Variants in SLC39A11 observed in about 807,000 individuals in gnomAD.
SLC39A11 encodes the protein solute carrier family 39 member 11.
Under a neutral mutation model 36.1 loss-of-function variants are expected in SLC39A11, and 33 were observed. The ratio of observed to expected loss-of-function variants is 0.91; its 90% confidence interval spans 0.69 to 1.22. The LOEUF (loss-of-function observed/expected upper bound fraction) is 1.22. Ranked by LOEUF, SLC39A11 falls within the 50% of genes most tolerant of loss-of-function variation. The probability of loss-of-function intolerance (pLI) is 0.00; values close to 1 mark genes in which losing one functional copy is unlikely to be tolerated. For missense variants in SLC39A11, 432 were observed against 430.3 expected (o/e 1.00, Z -0.03); for synonymous variants, 166 against 170.3 (o/e 0.97, Z 0.20).
chr17:72,849,882 A>G, intron 5 of SLC39A11, 78 bp from the exon 6 acceptor site: 1 of 1,364,112 alleles, frequency 7.3e-7, no homozygotes, highest in Non-Finnish European at 9.7e-7. Flanking sequence ...CCAGCAAGCT[A>G]CAGCAGGAAG....
At chr17:72,733,482 T>A (rs557546540) in intron 7 of SLC39A11, among the ~76,000 whole-genome samples, 1 of 152,124 alleles carries the variant, frequency 6.6e-6, no homozygotes, top group Non-Finnish European at 1.5e-5. Flanking sequence ...CCAGGACTGC[T>A]CAGAAGATAA....
intron 7 of SLC39A11, among the ~76,000 whole-genome samples, chr17:72,729,436 TATATATATATATATATATATA>T (rs1482968957): frequency 0.014 from 49 of 3,486 alleles, 2 homozygotes; most frequent in Middle Eastern, 0.042. Flanking sequence ...TATATATATA[TATATATATATATATATATATA>T]TTTTTTTTTT....
intron 5 of SLC39A11, among the ~76,000 whole-genome samples, chr17:72,908,931 A>G (rs1424190765): frequency 6.6e-6 from 1 of 152,222 alleles, no homozygotes; most frequent in Non-Finnish European, 1.5e-5. Flanking sequence ...CACGGGAGCC[A>G]AGCCTGGTCA....
At chr17:72,828,282 G>C (rs1276423141) in intron 6 of SLC39A11, among the ~76,000 whole-genome samples, 1 of 152,204 alleles carries the variant, frequency 6.6e-6, no homozygotes, top group Non-Finnish European at 1.5e-5. Context: ...GTAATCATAA[G>C]GGTCCTTAAA....
At chr17:72,978,999 AG>A (rs2088081051) in intron 4 of SLC39A11, among the ~76,000 whole-genome samples, 2 of 152,160 alleles carry the variant, frequency 1.3e-5, no homozygotes, top group Non-Finnish European at 1.5e-5. Context: ...TGACATGGTT[AG>A]GTTTTGTGTC....
intron 4 of SLC39A11, among the ~76,000 whole-genome samples, chr17:72,955,837 T>C (rs1427785871): frequency 2.0e-5 from 3 of 152,072 alleles, no homozygotes; most frequent in African/African-American, 7.2e-5. Flanking sequence ...AAAGAGAGGA[T>C]TGGTGCACAG....
intron 5 of SLC39A11, among the ~76,000 whole-genome samples, chr17:72,897,841 G>A (rs1035906947): frequency 2.6e-5 from 4 of 152,194 alleles, no homozygotes; most frequent in African/African-American, 9.7e-5. Context: ...CCAGAGTTGG[G>A]AGTCAGTGGT....
intron 6 of SLC39A11, among the ~76,000 whole-genome samples, chr17:72,780,079 A>G (rs1411885098): frequency 3.3e-5 from 5 of 152,210 alleles, no homozygotes; most frequent in Non-Finnish European, 5.9e-5. Flanking sequence ...CTCAAGGATC[A>G]CCAAGTAGCC....
intron 5 of SLC39A11, among the ~76,000 whole-genome samples, chr17:72,878,543 T>C (rs2081035735): frequency 6.6e-6 from 1 of 152,206 alleles, no homozygotes; most frequent in East Asian, 1.9e-4. Flanking sequence ...CCAACATCCT[T>C]CAGACCTTAC....
At chr17:72,864,392 A>G (rs2080196753) in intron 5 of SLC39A11, among the ~76,000 whole-genome samples, 1 of 151,788 alleles carries the variant, frequency 6.6e-6, no homozygotes, top group African/African-American at 2.4e-5. Context: ...ATGCAGACCA[A>G]CCGATTTGGG....
intron 5 of SLC39A11, among the ~76,000 whole-genome samples, chr17:72,930,720 A>C (rs1185034905): frequency 6.6e-6 from 1 of 152,188 alleles, no homozygotes; most frequent in African/African-American, 2.4e-5. Context: ...ATCTCACGGA[A>C]GCATCTAGAC....
intron 3 of SLC39A11, among the ~76,000 whole-genome samples, chr17:73,070,697 G>T (rs111867318): frequency 0.015 from 2,228 of 152,242 alleles, 47 homozygotes; most frequent in East Asian, 0.047. Context: ...CCCGGTGGGA[G>T]GTAATTAAAT....
chr17:72,648,966 G>C lies in SLC39A11; in HGVS notation c.771-5C>G. The C allele has an allele frequency of 6.2e-7, 1 of 1,609,432 alleles. No homozygotes were observed. Among genetic ancestry groups the C allele is most frequent in the Non-Finnish European group, 8.5e-7 (1 of 1,177,798 alleles). On this transcript the variant is annotated splice_region_variant and splice_polypyrimidine_tract_variant and intron_variant, in intron 8 of 9. Coordinates refer to ENST00000255559, the MANE Select transcript of SLC39A11 (RefSeq NM_139177.4). ...ATGCCGCTCAGCTGCCCATACCTAA[G>C]GAGAGAACAGAGACATTTACCACCG...
chr17:72,749,237 T>G (rs2075057437), intron 6 of SLC39A11, among the ~76,000 whole-genome samples: 1 of 152,130 alleles, frequency 6.6e-6, no homozygotes, highest in Admixed American at 6.6e-5. Flanking sequence ...TATCTGTTGC[T>G]CCCAAACACT....
At chr17:72,732,230 G>A (rs1356923441) in intron 7 of SLC39A11, among the ~76,000 whole-genome samples, 1 of 151,354 alleles carries the variant, frequency 6.6e-6, no homozygotes, top group African/African-American at 2.4e-5. Context: ...GGCCAAGCCG[G>A]TCTTGAATTC....
chr17:72,812,625 C>T (rs1269827858), intron 6 of SLC39A11, among the ~76,000 whole-genome samples: 1 of 152,168 alleles, frequency 6.6e-6, no homozygotes, highest in Non-Finnish European at 1.5e-5. Flanking sequence ...CAGCCTTGGA[C>T]AAGACATCCA....
chr17:72,845,334 C>G (rs1209257198), intron 6 of SLC39A11, among the ~76,000 whole-genome samples: 4 of 152,224 alleles, frequency 2.6e-5, no homozygotes, highest in Non-Finnish European at 5.9e-5. Context: ...CTGCTGCTCA[C>G]CCTGCTGTGG....
At chr17:72,766,264 C>T (rs1330342840) in intron 6 of SLC39A11, among the ~76,000 whole-genome samples, 1 of 152,144 alleles carries the variant, frequency 6.6e-6, no homozygotes, top group Non-Finnish European at 1.5e-5. Context: ...ACTGTCATCC[C>T]TTGTTAAGTT....
chr17:73,004,201 AAG>A lies in SLC39A11; in HGVS notation c.306+27353_306+27354del, dbSNP rs1491304796. ...AAAGAAAGAAAGAAAGAAAGAAAGA[AAG>A]AAAGAAAGAAAGAAAGAAAGAAAGA... On this transcript the variant is annotated intron_variant, in intron 4 of 9. Transcript: ENST00000255559. Among the ~76,000 whole-genome samples, 32 of 125,458 alleles carry A rather than the reference AAG, an allele frequency of 2.6e-4. 4 individuals carry two copies. The highest frequency in any genetic ancestry group is 1.1e-3 in the Admixed American group (13 of 11,950). 82.3% of individuals were successfully genotyped at this position (125,458 alleles called of 152,430 possible).
Sources: allele counts gnomAD v4.1 joint callset (sites outside exome capture counted in the v4.1 genomes callset), GRCh38; gene constraint gnomAD v4.1.1; transcripts MANE v1.5; gene names NCBI Gene and HGNC (gene_info 2026-07-23, HGNC 2026-07-21).